DCTN5: variants seen among roughly 807,000 people sequenced by gnomAD.
DCTN5 encodes dynactin 4.
In DCTN5, 14 loss-of-function variants were observed where a neutral mutation model predicts 23.5. The ratio of observed to expected loss-of-function variants is 0.60; its 90% CI spans 0.39 to 0.93. The LOEUF (loss-of-function observed/expected upper bound fraction) is 0.93. Among genes scored for constraint, DCTN5 ranks in the 40% least tolerant of loss-of-function variants. The pLI is 0.00. For missense variants in DCTN5, 156 were observed against 225.9 expected (o/e 0.69, Z 1.98); for synonymous variants, 67 against 79.6 (o/e 0.84, Z 0.84).
Position 23,644,173 on chromosome 16 carries a change from G to C in DCTN5, c.117+1150G>C, listed in dbSNP as rs376304395. Among the ~76,000 whole-genome samples, 10 of 151,950 alleles carry C rather than the reference G, an allele frequency of 6.6e-5. No individual in the cohort carries two copies. In the East Asian group the frequency reaches 1.7e-3, roughly 27 times the overall value. On this transcript the variant is annotated intron_variant, in intron 2 of 5. Coordinates refer to ENST00000300087, the MANE Select transcript of DCTN5 (RefSeq NM_032486.4). ...GACAGAGTATTGCTCTGTCACCCAG[G>C]TCGGAGTACAGTGGCGCGATCTTGG...
rs1182281197 is a variant in DCTN5, at chr16:23,658,495, T to A, written c.118-12T>A. 1.2e-6 allele frequency: 2 copies of A among 1,603,420 alleles called. No homozygotes were observed. The highest frequency in any genetic ancestry group is 1.7e-6 in the Non-Finnish European group (2 of 1,170,488). ...ATGTTGCTAATTTTTTAAAATTTGC[T>A]TCGTCTTACAGACCATTGTGATGAA... On this transcript the variant is annotated splice_polypyrimidine_tract_variant and intron_variant, in intron 2 of 5. Transcript: ENST00000300087.
chr16:23,646,332 A>G (rs1967457836), intron 2 of DCTN5, among the ~76,000 whole-genome samples: 1 of 152,106 alleles, frequency 6.6e-6, no homozygotes, highest in Non-Finnish European at 1.5e-5. Flanking sequence ...TGGATATTAA[A>G]CACTTATCAG....
chr16:23,647,417 A>C (rs534513813), intron 2 of DCTN5, among the ~76,000 whole-genome samples: 2 of 151,770 alleles, frequency 1.3e-5, no homozygotes, highest in Admixed American at 1.3e-4. Flanking sequence ...GCCTACTATA[A>C]TAAGTTTTTA....
intron 3 of DCTN5, 61 bp downstream of exon 3, chr16:23,658,686 C>G: frequency 7.6e-7 from 1 of 1,309,690 alleles, no homozygotes; most frequent in Non-Finnish European, 1.1e-6. Flanking sequence ...GTGGTGTGGT[C>G]CATGTGTTGA....
Position 23,655,075 on chromosome 16 carries a change from A to G in DCTN5, c.118-3432A>G, listed in dbSNP as rs542493891. On this transcript the variant is annotated intron_variant, in intron 2 of 5. Transcript: ENST00000300087. Reference sequence around the variant, plus strand: ...ATTCATGGATATCTGGGTTAGAATCATATACTCTTTTATGTCAAGCTTTTT... The same window carrying G: ...ATTCATGGATATCTGGGTTAGAATCGTATACTCTTTTATGTCAAGCTTTTT... Among the ~76,000 whole-genome samples, 4 of 152,294 alleles carry G rather than the reference A, an allele frequency of 2.6e-5. No individual in the cohort carries two copies. In the East Asian group the frequency reaches 7.7e-4, roughly 29 times the overall value.
In DCTN5 at chr16:23,673,383, A is replaced by C. The variant is rs895797447; in HGVS notation, c.*6239A>C. 2 of 152,336 alleles carry C rather than the reference A, an allele frequency of 1.3e-5. No homozygotes were observed. The highest frequency in any genetic ancestry group is 4.8e-5 in the African/African-American group (2 of 41,572). 9.4% of individuals were successfully genotyped at this position (152,336 alleles called of 1,614,324 possible). A position where few individuals can be genotyped will look rare whatever the true frequency, so the allele number is the denominator to read the frequency against. On this transcript the variant is annotated 3_prime_UTR_variant, in exon 6 of 6. Transcript: ENST00000300087. ...TGGCCTCCCTAAGTGCTGGGATTAC[A>C]GTCATGAGCCACTGTGCCCCGCCAT...
At chr16:23,660,967 T>A (rs1967798454) in intron 3 of DCTN5, among the ~76,000 whole-genome samples, 1 of 152,248 alleles carries the variant, frequency 6.6e-6, no homozygotes, top group Admixed American at 6.5e-5. Context: ...CATATTTCTT[T>A]GGTGTACTAT....
intron 2 of DCTN5, among the ~76,000 whole-genome samples, chr16:23,646,382 T>C (rs1157956906): frequency 6.6e-6 from 1 of 152,204 alleles, no homozygotes; most frequent in Non-Finnish European, 1.5e-5. Context: ...TCTGTAGATT[T>C]TGTGCATCCC....
At chr16:23,665,326 G>A (rs986103179) in intron 4 of DCTN5, among the ~76,000 whole-genome samples, 3 of 152,180 alleles carry the variant, frequency 2.0e-5, no homozygotes, top group Non-Finnish European at 4.4e-5. Flanking sequence ...AAGCACAAAT[G>A]TCCACTAAAT....
chr16:23,645,137 A>ATATAT (rs1555462995), intron 2 of DCTN5, among the ~76,000 whole-genome samples: 5 of 30,796 alleles, frequency 1.6e-4, no homozygotes, highest in Admixed American at 5.0e-4. Flanking sequence ...ATATATATAT[A>ATATAT]TTTTTTTTTT....
chr16:23,651,147 A>G (rs571381708), intron 2 of DCTN5: 1 of 1,212,470 alleles, frequency 8.2e-7, no homozygotes, highest in Non-Finnish European at 1.0e-6. Flanking sequence ...GAGCCAAACA[A>G]TACAGGTTTG....
intron 3 of DCTN5, among the ~76,000 whole-genome samples, chr16:23,660,676 T>C (rs975572320): frequency 5.3e-5 from 8 of 152,214 alleles, no homozygotes; most frequent in African/African-American, 1.9e-4. Flanking sequence ...GTTCTCTCTC[T>C]TTTGTCATTA....
At chr16:23,658,687 C>A in intron 3 of DCTN5, 62 bp downstream of exon 3, 1 of 1,304,044 alleles carries the variant, frequency 7.7e-7, no homozygotes, top group Non-Finnish European at 1.1e-6. Context: ...TGGTGTGGTC[C>A]ATGTGTTGAG....
intron 2 of DCTN5, chr16:23,650,705 T>C: frequency 6.7e-7 from 1 of 1,495,188 alleles, no homozygotes; most frequent in Non-Finnish European, 9.0e-7. Flanking sequence ...TTGTTTCTAG[T>C]TTTTTGCTGT....
intron 2 of DCTN5, chr16:23,650,947 A>C: frequency 6.9e-7 from 1 of 1,444,618 alleles, no homozygotes; most frequent in Non-Finnish European, 9.3e-7. Context: ...CCCACGTGGC[A>C]ACAATCAGCT....
intron 2 of DCTN5, among the ~76,000 whole-genome samples, chr16:23,648,344 C>CTTTTTT (rs960786045): frequency 5.7e-4 from 60 of 105,488 alleles, no homozygotes; most frequent in Non-Finnish European, 8.7e-4. Flanking sequence ...TTTCTTTTTT[C>CTTTTTT]TTTTTTTTTT....
intron 5 of DCTN5, 177 bp from the exon 6 acceptor site, chr16:23,666,870 C>G: frequency 1.1e-6 from 1 of 920,060 alleles, no homozygotes; most frequent in Non-Finnish European, 1.6e-6. Flanking sequence ...ATATTGGGGT[C>G]CTGCTGTGAA....
At chr16:23,654,857 C>A (rs249870) in intron 2 of DCTN5, among the ~76,000 whole-genome samples, 29,820 of 152,072 alleles carry the variant, frequency 0.2, 3,220 homozygotes, top group East Asian at 0.43. Flanking sequence ...TGATATATGT[C>A]TTTCTGTGCT....
At chr16:23,665,895 G>A in intron 5 of DCTN5, 167 bp downstream of exon 5, 1 of 615,742 alleles carries the variant, frequency 1.6e-6, no homozygotes, top group African/African-American at 1.8e-5. Flanking sequence ...CATATAACAA[G>A]CATCTGTTTA....
Sources: gnomAD v4.1 joint callset for allele counts (sites outside exome capture counted in the v4.1 genomes callset) on GRCh38, gnomAD v4.1.1 for gene constraint, MANE v1.5 for transcripts, NCBI Gene and HGNC (gene_info 2026-07-23, HGNC 2026-07-21) for gene names.